Variants in DNAH10 observed in about 807,000 individuals in gnomAD.
DNAH10 encodes axonemal beta dynein heavy chain 10.
DNAH10 carries 348 observed loss-of-function variants against 506.6 expected under a neutral mutation model. The ratio of observed to expected loss-of-function variants is 0.69; its 90% confidence interval spans 0.63 to 0.75. DNAH10 has a LOEUF of 0.75. Ranked by LOEUF, DNAH10 falls within the 30% of genes least tolerant of loss-of-function variation. The pLI, the probability that DNAH10 is intolerant of heterozygous loss-of-function variation, is 0.00. For synonymous variants in DNAH10, 2,059 were observed against 2,198.6 expected (o/e 0.94, Z 1.78); for missense variants, 5,179 against 5,787.1 (o/e 0.89, Z 3.41).
Position 123,826,713 on chromosome 12 carries a change from C to T in DNAH10, c.4206C>T (p.Thr1402=). 6.2e-7 allele frequency: 1 copy of T among 1,613,660 alleles called. No homozygotes were observed. The highest frequency in any genetic ancestry group is 8.5e-7 in the Non-Finnish European group (1 of 1,179,742). ...TTGCAAAAGAAGAATGGTCTCAGACCCTTTGGATCAACCTGAATGTGCAGA... is the reference window on the plus strand; with the variant it reads ...TTGCAAAAGAAGAATGGTCTCAGACTCTTTGGATCAACCTGAATGTGCAGA... ...LKVAKEEWSQ[T]LWINLNVQIL... Residue 1402 remains threonine, a synonymous_variant, in exon 25 of 79, where the codon ACC becomes ACT. Transcript: ENST00000673944.
intron 23 of DNAH10, among the ~76,000 whole-genome samples, 189 bp downstream of exon 23, chr12:123,819,439 C>G (rs979074684): frequency 6.6e-6 from 1 of 151,040 alleles, no homozygotes; most frequent in African/African-American, 2.4e-5. Flanking sequence ...TAATGCGACT[C>G]ATTGATTGTT....
chr12:123,923,765 C>A lies in DNAH10; in HGVS notation c.11509C>A (p.Leu3837Met). 2 of 1,603,490 alleles carry A rather than the reference C, an allele frequency of 1.2e-6. No homozygotes were observed. The highest frequency in any genetic ancestry group is 1.7e-6 in the Non-Finnish European group (2 of 1,176,562). ...FSIYNHGCTGLFERHKLLFSF... is the reference protein window; with the variant it reads ...FSIYNHGCTGMFERHKLLFSF... ...ACTCATCTGATGTTTCCCTCCAGGG[C>A]TGTTTGAGAGGCACAAGCTACTCTT... Residue 3837 changes from leucine to methionine, a missense_variant and splice_region_variant, in exon 66 of 79, where the codon CTG becomes ATG. Around this residue, in one of 3 missense-constraint regions of DNAH10, gnomAD observed 4,844 missense variants for 5,430.5 expected, o/e 0.89. Coordinates refer to ENST00000673944, the MANE Select transcript of DNAH10 (RefSeq NM_001372106.1).
chr12:123,828,276 CA>C (rs748385147), intron 25 of DNAH10, among the ~76,000 whole-genome samples: 19 of 151,702 alleles, frequency 1.3e-4, no homozygotes, highest in Admixed American at 9.8e-4. Flanking sequence ...GGACTGAGGA[CA>C]CAGCGTAAGA....
rs993637866 is a variant in DNAH10 at position 123,819,030 on chromosome 12, G to A, written c.3861G>A (p.Glu1287=). The A allele has an allele frequency of 6.2e-7, 1 of 1,605,708 alleles. No homozygotes were observed. The highest frequency in any genetic ancestry group is 8.5e-7 in the Non-Finnish European group (1 of 1,175,970). The change falls in exon 22 of 79, where the codon GAG becomes GAA. Residue 1287 remains glutamate (E), a synonymous_variant. Transcript: ENST00000673944. ...SNLFNDSVNV[E]HALGDIKRTF... ...TGTTTAATGATTCAGTGAATGTGGA[G>A]CATGCTCTTGGGGACATAAAGAGAA...
intron 3 of DNAH10, 65 bp downstream of exon 3, chr12:123,771,763 G>C: frequency 7.4e-7 from 1 of 1,351,310 alleles, no homozygotes. Flanking sequence ...CTAGGATTCA[G>C]GGTAACTGAC....
intron 24 of DNAH10, among the ~76,000 whole-genome samples, chr12:123,824,845 A>G (rs1959799718): frequency 6.6e-6 from 1 of 151,738 alleles, no homozygotes; most frequent in Non-Finnish European, 1.5e-5. Flanking sequence ...ATCCAGTATG[A>G]CCTCACCCTA....
intron 37 of DNAH10, 112 bp downstream of exon 37, chr12:123,857,359 C>A: frequency 3.2e-6 from 3 of 947,490 alleles, no homozygotes; most frequent in Non-Finnish European, 4.4e-6. Flanking sequence ...GTTTCACCAT[C>A]TTAACCATTT....
chr12:123,764,493 TA>T (rs965754661), intron 1 of DNAH10, among the ~76,000 whole-genome samples: 8 of 151,384 alleles, frequency 5.3e-5, no homozygotes, highest in Admixed American at 4.0e-4. Flanking sequence ...TCGTTTACAT[TA>T]AAAAAAAATT....
At chr12:123,840,832 T>C (rs1950747819) in intron 29 of DNAH10, among the ~76,000 whole-genome samples, 2 of 152,190 alleles carry the variant, frequency 1.3e-5, no homozygotes, top group Admixed American at 6.5e-5. Flanking sequence ...AGCATTTGAC[T>C]CAGATTGTTT....
rs1048273501 is a variant in DNAH10 at position 123,907,870 on chromosome 12, A to G, written c.9816-1391A>G. On this transcript the variant is annotated intron_variant, in intron 57 of 78. Transcript: ENST00000673944. The surrounding 1 kb of genome is among the most constrained non-coding windows in gnomAD (Gnocchi z 4.4). ...TGATCGAGCCTTTTCCCGGGGACTCAGGGCCTTTCTTTCATCACTGGGCTT... is the reference window on the plus strand; with the variant it reads ...TGATCGAGCCTTTTCCCGGGGACTCGGGGCCTTTCTTTCATCACTGGGCTT... Among the ~76,000 whole-genome samples the G allele has an allele frequency of 2.0e-5, 3 of 152,144 alleles. No individual in the cohort carries two copies. The highest frequency in any genetic ancestry group is 4.4e-5 in the Non-Finnish European group (3 of 68,016).
chr12:123,914,867 C>A lies in DNAH10; in HGVS notation c.10590C>A (p.Gly3530=), dbSNP rs758170540. 1.2e-6 allele frequency: 2 copies of A among 1,613,500 alleles called. No homozygotes were observed. The highest frequency in any genetic ancestry group is 1.7e-6 in the Non-Finnish European group (2 of 1,179,766). Residue 3530 remains glycine (G), a synonymous_variant, in exon 62 of 79, where the codon GGC becomes GGA. Transcript: ENST00000673944. ...DVEISRWGSQ[G]LPPDELSVQN... is the part of the protein sequence containing the mutation. ...TTTCTTCCAGATGGGGATCCCAGGGCCTTCCCCCCGATGAGCTCTCCGTTC... is the reference window on the plus strand; with the variant it reads ...TTTCTTCCAGATGGGGATCCCAGGGACTTCCCCCCGATGAGCTCTCCGTTC...
Position 123,917,513 on chromosome 12 carries a change from C to T in DNAH10, c.11003-71C>T. 2 of 1,458,618 alleles carry T rather than the reference C, an allele frequency of 1.4e-6. No homozygotes were observed. Among genetic ancestry groups the T allele is most frequent in the South Asian group, 1.3e-5 (1 of 79,780 alleles). The allele number at this position is 1,458,618 out of a possible 1,614,324, so 90.4% of individuals were successfully genotyped here. On this transcript the variant is annotated intron_variant, in intron 63 of 78. Transcript: ENST00000673944. The surrounding 1 kb of genome is among the most constrained non-coding windows in gnomAD (Gnocchi z 5.6). Reference sequence around the variant, plus strand: ...GAGACCCGCGCTAAGCTTGTCCCGTCACAGCAGGGCAGCGGGAGAGACTGT... The same window carrying T: ...GAGACCCGCGCTAAGCTTGTCCCGTTACAGCAGGGCAGCGGGAGAGACTGT...
In DNAH10 at chr12:123,851,787, G is replaced by C. The variant is rs1197261078; in HGVS notation, c.6291+711G>C. ...ACTATTCCATCACCACGACCACAAAGAAGAGAGACAGGGTCTTACTCTGTC... is the reference window on the plus strand; with the variant it reads ...ACTATTCCATCACCACGACCACAAACAAGAGAGACAGGGTCTTACTCTGTC... On this transcript the variant is annotated intron_variant, in intron 35 of 78. Coordinates refer to ENST00000673944, the MANE Select transcript of DNAH10 (RefSeq NM_001372106.1). Among the ~76,000 whole-genome samples the C allele has an allele frequency of 2.6e-5, 4 of 152,194 alleles. No homozygotes were observed. In the East Asian group the frequency reaches 7.7e-4, roughly 29 times the overall value.
At position 123,868,089 on chromosome 12, in the gene DNAH10, G is replaced by GC. The variant is rs1566018989; in HGVS notation, c.7489_7490insC (p.Gly2497AlafsTer18). 6.2e-7 allele frequency: 1 copy of GC among 1,613,584 alleles called. No individual in the cohort carries two copies. Among genetic ancestry groups the GC allele is most frequent in the Non-Finnish European group, 8.5e-7 (1 of 1,179,874 alleles). Reference sequence around the variant, plus strand: ...TTCTTTGTCTACTGTTGACACAGAAGGAGTTTGGGCCAACCCTGGGGAACT... The same window carrying GC: ...TTCTTTGTCTACTGTTGACACAGAAGCGAGTTTGGGCCAACCCTGGGGAACT... On this transcript the variant is annotated frameshift_variant, in exon 43 of 79. Coordinates refer to ENST00000673944, the MANE Select transcript of DNAH10 (RefSeq NM_001372106.1). LOFTEE classifies it high-confidence loss of function.
chr12:123,882,409 A>G (rs925619250), intron 51 of DNAH10, among the ~76,000 whole-genome samples: 2 of 152,218 alleles, frequency 1.3e-5, no homozygotes, highest in Non-Finnish European at 2.9e-5. Context: ...ATTCAAGACC[A>G]TACAATCCAC....
chr12:123,839,239 A>C (rs553750971), intron 29 of DNAH10, among the ~76,000 whole-genome samples: 169 of 152,220 alleles, frequency 1.1e-3, no homozygotes, highest in African/African-American at 4.0e-3. Context: ...AAACAAAAAA[A>C]CCAGAAATAT....
Position 123,861,004 on chromosome 12 carries a change from T to C in DNAH10, c.6750-8T>C. On this transcript the variant is annotated splice_region_variant and splice_polypyrimidine_tract_variant and intron_variant, in intron 38 of 78. Transcript: ENST00000673944. ...CTTGAACCATGGCTAAAGCCTCTCT[T>C]GATTTAGGCTTGGGCTGACGACAAA... 6.2e-7 allele frequency: 1 copy of C among 1,613,962 alleles called. No individual in the cohort carries two copies. Among genetic ancestry groups the C allele is most frequent in the Non-Finnish European group, 8.5e-7 (1 of 1,179,896 alleles).
At chr12:123,878,013 A>G in intron 48 of DNAH10, 105 bp downstream of exon 48, 1 of 1,362,108 alleles carries the variant, frequency 7.3e-7, no homozygotes, top group Non-Finnish European at 1.0e-6. Context: ...CGTTGTATGA[A>G]TTAATTACCC....
rs931232678 is a variant in DNAH10, at chr12:123,850,501, C to T, written c.6103-387C>T. ...CCCAACCTGGGCTGTCTCCTTTCAT[C>T]GCCACAGCCGTGCCACGAGGTGGGT... On this transcript the variant is annotated intron_variant, in intron 34 of 78. Transcript: ENST00000673944. This position sits in a 1 kb window ranked among gnomAD's most constrained non-coding sequence, Gnocchi z 5.5. Among the ~76,000 whole-genome samples, 9 of 152,284 alleles carry T rather than the reference C, an allele frequency of 5.9e-5. No individual in the cohort carries two copies. The highest frequency in any genetic ancestry group is 3.3e-4 in the Admixed American group (5 of 15,302).
Sources: allele counts gnomAD v4.1 joint callset (sites outside exome capture counted in the v4.1 genomes callset), GRCh38; gene constraint gnomAD v4.1.1; regional missense constraint gnomAD v4.1.1; non-coding constraint Gnocchi (gnomAD v3.1); transcripts MANE v1.5; gene names NCBI Gene and HGNC (gene_info 2026-07-23, HGNC 2026-07-21).